Variants in KCNK2 observed in about 807,000 individuals in gnomAD.
KCNK2 encodes the protein potassium two pore domain channel subfamily K member 2, also known as potassium channel subfamily K member 2.
Under a neutral mutation model 40.5 loss-of-function variants are expected in KCNK2, and 21 were observed. That is an observed-to-expected ratio of 0.52 (90% CI 0.37 to 0.75). The LOEUF (loss-of-function observed/expected upper bound fraction) is 0.75, where lower values mean the gene tolerates loss of function less well. KCNK2 is among the 30% of genes least tolerant of loss of function. The pLI is 0.00. For synonymous variants in KCNK2, 191 were observed against 202.2 expected (o/e 0.94, Z 0.47); for missense variants, 399 against 531.6 (o/e 0.75, Z 2.45).
At chr1:215,230,507 GTATA>G (rs201898524) in intron 6 of KCNK2, among the ~76,000 whole-genome samples, 1,923 of 65,530 alleles carry the variant, frequency 0.029, 60 homozygotes, top group East Asian at 0.17. Flanking sequence ...ACACACGGCT[GTATA>G]TATATATATA....
intron 3 of KCNK2, among the ~76,000 whole-genome samples, chr1:215,166,647 G>A (rs546449360): frequency 2.0e-5 from 3 of 152,196 alleles, no homozygotes; most frequent in Admixed American, 6.6e-5. Flanking sequence ...CTACATGAAA[G>A]TCCAGACTCC....
intron 3 of KCNK2, among the ~76,000 whole-genome samples, chr1:215,167,254 G>C (rs1663487262): frequency 6.6e-6 from 1 of 151,586 alleles, no homozygotes. Flanking sequence ...AATCTCAATG[G>C]ATTCCAACAA....
intron 3 of KCNK2, among the ~76,000 whole-genome samples, chr1:215,167,557 C>T (rs1663503752): frequency 6.6e-6 from 1 of 152,012 alleles, no homozygotes; most frequent in Admixed American, 6.6e-5. Flanking sequence ...TGAATAGTAA[C>T]AAGTAGATAT....
chr1:215,230,530 T>TATAC (rs1553276497), intron 6 of KCNK2, among the ~76,000 whole-genome samples: 1 of 75,534 alleles, frequency 1.3e-5, no homozygotes, highest in Admixed American at 1.8e-4. Flanking sequence ...TATATATATA[T>TATAC]ATGTATATAT....
intron 3 of KCNK2, among the ~76,000 whole-genome samples, chr1:215,138,274 G>A (rs1662018296): frequency 6.6e-6 from 1 of 152,164 alleles, no homozygotes; most frequent in Non-Finnish European, 1.5e-5. Context: ...CTCTCCTGCA[G>A]ATTCTGAGTT....
chr1:215,219,659 C>G (rs941481672), intron 6 of KCNK2, among the ~76,000 whole-genome samples: 1 of 151,996 alleles, frequency 6.6e-6, no homozygotes, highest in Non-Finnish European at 1.5e-5. Flanking sequence ...TTTTCTCTGT[C>G]TATTTAATGC....
chr1:215,130,622 T>C (rs1006290364), intron 3 of KCNK2, among the ~76,000 whole-genome samples: 2 of 152,092 alleles, frequency 1.3e-5, no homozygotes, highest in Admixed American at 6.5e-5. Flanking sequence ...AGAATTGAAT[T>C]GAATTGTTGT....
intron 2 of KCNK2, among the ~76,000 whole-genome samples, chr1:215,123,270 A>C (rs1428585059): frequency 6.6e-6 from 1 of 152,178 alleles, no homozygotes; most frequent in Non-Finnish European, 1.5e-5. Context: ...GTAAGAGTAG[A>C]GAATACAAAT....
intron 1 of KCNK2, among the ~76,000 whole-genome samples, chr1:215,033,927 T>C: frequency 6.6e-6 from 1 of 152,216 alleles, no homozygotes; most frequent in African/African-American, 2.4e-5. Flanking sequence ...AGACCTCCAA[T>C]GACTGGATCC....
At chr1:215,118,824 C>A (rs991393607) in intron 2 of KCNK2, among the ~76,000 whole-genome samples, 3 of 152,032 alleles carry the variant, frequency 2.0e-5, no homozygotes, top group African/African-American at 7.2e-5. Flanking sequence ...ACCCCTTGTA[C>A]CTGCAGTTCA....
chr1:215,128,752 G>A (rs911383786), intron 3 of KCNK2, among the ~76,000 whole-genome samples: 1 of 151,346 alleles, frequency 6.6e-6, no homozygotes, highest in Non-Finnish European at 1.5e-5. Context: ...ATTTGTTTTG[G>A]TGATAGAAAG....
intron 5 of KCNK2, among the ~76,000 whole-genome samples, chr1:215,180,387 T>A (rs530690233): frequency 3.9e-5 from 6 of 152,292 alleles, no homozygotes; most frequent in Admixed American, 3.9e-4. Context: ...TGTTAGGTTT[T>A]GATCCGATTA....
chr1:215,204,111 ATTTTT>A (rs769454326), intron 6 of KCNK2, among the ~76,000 whole-genome samples: 3 of 136,612 alleles, frequency 2.2e-5, no homozygotes, highest in Middle Eastern at 3.6e-3. Flanking sequence ...CCACATGCTC[ATTTTT>A]TTTTTTTCTT....
intron 2 of KCNK2, among the ~76,000 whole-genome samples, chr1:215,112,870 A>G (rs1192034929): frequency 6.6e-6 from 1 of 152,130 alleles, no homozygotes; most frequent in African/African-American, 2.4e-5. Flanking sequence ...AGTACTCTCT[A>G]TGATGTTCAC....
intron 2 of KCNK2, among the ~76,000 whole-genome samples, chr1:215,095,174 C>G (rs1366847693): frequency 6.6e-6 from 1 of 152,024 alleles, no homozygotes. Flanking sequence ...TCTCACATCC[C>G]TTAGGCACAT....
intron 1 of KCNK2, among the ~76,000 whole-genome samples, chr1:215,048,809 A>T (rs1386691394): frequency 6.6e-6 from 1 of 152,200 alleles, no homozygotes; most frequent in Non-Finnish European, 1.5e-5. Context: ...CAGCCTGGAC[A>T]TGCATCTGAG....
intron 2 of KCNK2, among the ~76,000 whole-genome samples, chr1:215,119,416 C>G (rs1346061521): frequency 6.6e-6 from 1 of 152,172 alleles, no homozygotes; most frequent in African/African-American, 2.4e-5. Context: ...TCATGGAAAT[C>G]AAGATGTTCC....
At chr1:215,065,381 C>A (rs1397808442) in intron 1 of KCNK2, among the ~76,000 whole-genome samples, 2 of 147,658 alleles carry the variant, frequency 1.4e-5, no homozygotes, top group East Asian at 3.9e-4. Context: ...TAGACTTGAT[C>A]TTTAGCCTTA....
At chr1:215,023,011 A>G (rs1234452744) in intron 1 of KCNK2, among the ~76,000 whole-genome samples, 2 of 152,216 alleles carry the variant, frequency 1.3e-5, no homozygotes, top group Non-Finnish European at 2.9e-5. Context: ...ACTCAGTGAT[A>G]CAATATCTAA....
Sources: gnomAD v4.1 joint callset for allele counts (sites outside exome capture counted in the v4.1 genomes callset) on GRCh38, gnomAD v4.1.1 for gene constraint, MANE v1.5 for transcripts, NCBI Gene and HGNC (gene_info 2026-07-23, HGNC 2026-07-21) for gene names.